Variants in PUS10 observed in about 807,000 individuals in gnomAD.
PUS10 encodes pseudouridine synthase 10.
A neutral mutation model predicts 75.0 loss-of-function variants in PUS10; 59 were observed. That is an observed-to-expected ratio of 0.79 (90% CI 0.64 to 0.98). The LOEUF (loss-of-function observed/expected upper bound fraction) is 0.98. PUS10 is among the 50% of genes least tolerant of loss of function. The pLI is 0.00. For missense variants in PUS10, 650 were observed against 614.4 expected, an observed-to-expected ratio of 1.06 and a Z score of -0.61; for synonymous variants, 219 against 211.6, an observed-to-expected ratio of 1.03 and a Z score of -0.30.
chr2:60,961,683 G>C (rs1010158145), intron 9 of PUS10, 135 bp from the exon 10 acceptor site: 7 of 739,288 alleles, frequency 9.5e-6, no homozygotes, highest in Middle Eastern at 2.8e-4. Context: ...AACAATACAG[G>C]TCTTGCAGGC....
chr2:60,943,958 TCAA>T (rs1254793827), intron 17 of PUS10, among the ~76,000 whole-genome samples: 1 of 151,470 alleles, frequency 6.6e-6, no homozygotes, highest in African/African-American at 2.4e-5. Context: ...AGACCCCATC[TCAA>T]CAACAACAAC....
chr2:61,008,916 G>A lies in PUS10; in HGVS notation c.226C>T (p.Leu76=). 2 of 1,613,706 alleles carry A rather than the reference G, an allele frequency of 1.2e-6. No individual in the cohort carries two copies. The highest frequency in any genetic ancestry group is 1.7e-6 in the Non-Finnish European group (2 of 1,179,790). ...PPPKKIRLQE[L]EDSIDNLSQN... ...CTTAGATTATCAATACTATCTTCCAGTTCTTGCAGTCGAATTTTCTTGGGA... is the reference window on the plus strand; with the variant it reads ...CTTAGATTATCAATACTATCTTCCAATTCTTGCAGTCGAATTTTCTTGGGA... The change falls in exon 3 of 18, where the codon CTG becomes TTG. Residue 76 remains leucine (L), a synonymous_variant. Coordinates refer to ENST00000316752, the MANE Select transcript of PUS10 (RefSeq NM_144709.4).
intron 4 of PUS10, among the ~76,000 whole-genome samples, chr2:60,983,942 T>C (rs1677565699): frequency 6.6e-6 from 1 of 151,832 alleles, no homozygotes; most frequent in Non-Finnish European, 1.5e-5. Flanking sequence ...CAAACATGCA[T>C]ATATTACTTT....
intron 11 of PUS10, among the ~76,000 whole-genome samples, chr2:60,957,281 C>G (rs1675735818): frequency 6.6e-6 from 1 of 152,194 alleles, no homozygotes; most frequent in Non-Finnish European, 1.5e-5. Flanking sequence ...TTCAGCTAAT[C>G]TGCAGTGGTC....
chr2:60,965,497 A>G lies in PUS10; in HGVS notation c.616-13T>C. On this transcript the variant is annotated splice_polypyrimidine_tract_variant and intron_variant, in intron 6 of 17. Coordinates refer to ENST00000316752, the MANE Select transcript of PUS10 (RefSeq NM_144709.4). ...CTTCAAACAAGCTCTAAAAATTATA[A>G]AGACAGTTTAAAAATGAGCAAAAGG... 6 of 1,588,420 alleles carry G rather than the reference A, an allele frequency of 3.8e-6. No homozygotes were observed. Among genetic ancestry groups the G allele is most frequent in the Non-Finnish European group, 5.1e-6 (6 of 1,168,742 alleles).
chr2:61,008,865 C>G lies in PUS10; in HGVS notation c.277G>C (p.Val93Leu). The part of the protein sequence containing the change: ...LSQNGEGRIS[V>L]SHVGSTASKN... Reference sequence around the variant, plus strand: ...GAAGCAGTGCTTCCAACATGACTAACAGAGATCCTTCCCTCTCCATTTTGA... The same window carrying G: ...GAAGCAGTGCTTCCAACATGACTAAGAGAGATCCTTCCCTCTCCATTTTGA... The change falls in exon 3 of 18, where the codon GTT becomes CTT. Residue 93 changes from valine (V) to leucine (L), a missense_variant. Coordinates refer to ENST00000316752, the MANE Select transcript of PUS10 (RefSeq NM_144709.4). 6.2e-7 allele frequency: 1 copy of G among 1,613,772 alleles called. No individual in the cohort carries two copies.
chr2:60,971,936 T>A (rs1676698971), intron 4 of PUS10, among the ~76,000 whole-genome samples: 1 of 144,880 alleles, frequency 6.9e-6, no homozygotes, highest in Non-Finnish European at 1.5e-5. Flanking sequence ...ACTGGCAGGA[T>A]CTCAGCTCAC....
In PUS10 at chr2:61,018,170, C is replaced by T. The variant is rs534181108; in HGVS notation, c.-178G>A. The T allele has an allele frequency of 6.4e-5, 99 of 1,550,630 alleles. No homozygotes were observed. In the African/African-American group the frequency reaches 1.2e-3, roughly 18 times the overall value. On this transcript the variant is annotated 5_prime_UTR_variant, in exon 1 of 18. Coordinates refer to ENST00000316752, the MANE Select transcript of PUS10 (RefSeq NM_144709.4). ...TGTTTTCACTTTGACAGAATGGCTT[C>T]TCTATCTTTAAAGCGTAGACTTTGG...
In PUS10 at chr2:61,008,865, C is replaced by CA; in HGVS notation, c.276dup (p.Val93CysfsTer2). ...GAAGCAGTGCTTCCAACATGACTAACAGAGATCCTTCCCTCTCCATTTTGA... is the reference window on the plus strand; with the variant it reads ...GAAGCAGTGCTTCCAACATGACTAACAAGAGATCCTTCCCTCTCCATTTTGA... On this transcript the variant is annotated frameshift_variant, in exon 3 of 18. Coordinates refer to ENST00000316752, the MANE Select transcript of PUS10 (RefSeq NM_144709.4). LOFTEE classifies it high-confidence loss of function. 6 of 1,613,772 alleles carry CA rather than the reference C, an allele frequency of 3.7e-6. No homozygotes were observed. The highest frequency in any genetic ancestry group is 5.1e-6 in the Non-Finnish European group (6 of 1,179,798).
In PUS10 at chr2:60,953,972, G is replaced by C; in HGVS notation, c.1151C>G (p.Ser384Cys). The C allele has an allele frequency of 1.9e-6, 3 of 1,613,934 alleles. No homozygotes were observed. Among genetic ancestry groups the C allele is most frequent in the African/African-American group, 1.3e-5 (1 of 75,052 alleles). ...KELQQKINNSSNKIQVRDLQL... is the reference protein window; with the variant it reads ...KELQQKINNSCNKIQVRDLQL... ...CAAGTCACGTACTTGGATTTTGTTA[G>C]ATGAGTTATTAATTTTCTGTAGTAG... is the stretch of plus-strand genomic sequence containing the variant. Residue 384 changes from serine (S) to cysteine (C), a missense_variant, in exon 14 of 18, where the codon TCT becomes TGT. Physicochemically the swap from Ser to Cys is moderately radical, Grantham distance 112. Coordinates refer to ENST00000316752, the MANE Select transcript of PUS10 (RefSeq NM_144709.4).
chr2:60,955,598 G>A (rs1239904585), intron 11 of PUS10, among the ~76,000 whole-genome samples: 4 of 151,908 alleles, frequency 2.6e-5, no homozygotes, highest in Non-Finnish European at 5.9e-5. Context: ...CAAAGCACCG[G>A]GATTATAGGT....
At chr2:60,957,671 A>G (rs963565191) in intron 11 of PUS10, among the ~76,000 whole-genome samples, 2 of 152,270 alleles carry the variant, frequency 1.3e-5, no homozygotes, top group Non-Finnish European at 2.9e-5. Flanking sequence ...CCTGGTAGAC[A>G]TAAGTAGCAT....
rs536814117 is a variant in PUS10, at chr2:60,967,598, C to T, written c.519G>A (p.Ser173=). The T allele has an allele frequency of 2.9e-5, 47 of 1,600,812 alleles. No homozygotes were observed. The East Asian group carries it at 8.3e-4, about 28-fold the overall frequency. ...VKQEMGKQSL[S]LGRDDIVQLK... ...GCTGAACTATATCATCTCTTCCCAG[C>T]GACAGACTCTGCTTTCTGAATAACA... The change falls in exon 6 of 18, where the codon TCG becomes TCA. Residue 173 remains serine (S), a synonymous_variant. Transcript: ENST00000316752.
At position 61,018,223 on chromosome 2, in the gene PUS10, C is replaced by G; in HGVS notation, c.-231G>C. ...TGTAGCAGTTGAGAGCGGCATTTGTCCAGCCACGGCATCGACAGGGAGCAA... is the reference window on the plus strand; with the variant it reads ...TGTAGCAGTTGAGAGCGGCATTTGTGCAGCCACGGCATCGACAGGGAGCAA... On this transcript the variant is annotated 5_prime_UTR_variant, in exon 1 of 18. Transcript: ENST00000316752. 1 of 1,551,054 alleles carries G rather than the reference C, an allele frequency of 6.4e-7. No homozygotes were observed. The highest frequency in any genetic ancestry group is 8.7e-7 in the Non-Finnish European group (1 of 1,146,918).
At chr2:61,008,305 T>C (rs914880835) in intron 3 of PUS10, among the ~76,000 whole-genome samples, 1 of 151,986 alleles carries the variant, frequency 6.6e-6, no homozygotes, top group Admixed American at 6.6e-5. Flanking sequence ...AGGCGAATCA[T>C]CTGAGATCGG....
chr2:60,986,092 G>C (rs1381021701), intron 4 of PUS10, among the ~76,000 whole-genome samples: 3 of 152,014 alleles, frequency 2.0e-5, no homozygotes, highest in Non-Finnish European at 4.4e-5. Context: ...TTCCTTCATT[G>C]ATAGATCAAT....
intron 15 of PUS10, among the ~76,000 whole-genome samples, chr2:60,952,622 T>C (rs921233696): frequency 6.6e-6 from 1 of 152,234 alleles, no homozygotes; most frequent in Non-Finnish European, 1.5e-5. Flanking sequence ...ATGTGCCAGG[T>C]ACTGTTCTAA....
intron 4 of PUS10, among the ~76,000 whole-genome samples, chr2:60,990,690 G>A (rs539673969): frequency 6.6e-6 from 1 of 152,294 alleles, no homozygotes; most frequent in Non-Finnish European, 1.5e-5. Context: ...CTCTCTGGAG[G>A]AGAACATTAT....
chr2:60,981,799 A>T (rs992941015), intron 4 of PUS10, among the ~76,000 whole-genome samples: 2 of 152,178 alleles, frequency 1.3e-5, no homozygotes, highest in Non-Finnish European at 2.9e-5. Context: ...TGCTGTAATC[A>T]CATAGCCTCT....
Sources: gnomAD v4.1 joint callset for allele counts (sites outside exome capture counted in the v4.1 genomes callset) on GRCh38, gnomAD v4.1.1 for gene constraint, MANE v1.5 for transcripts, NCBI Gene and HGNC (gene_info 2026-07-23, HGNC 2026-07-21) for gene names.